NODAL: variants seen among roughly 807,000 people sequenced by gnomAD.
The protein encoded by NODAL is nodal growth differentiation factor, also known as nodal homolog.
A neutral mutation model predicts 34.0 loss-of-function variants in NODAL; 12 were observed. The ratio of observed to expected loss-of-function variants is 0.35; its 90% CI spans 0.23 to 0.57. NODAL has a LOEUF of 0.57. Among genes scored for constraint, NODAL ranks in the 20% least tolerant of loss-of-function variants. NODAL has a pLI of 0.83. For missense variants in NODAL, 390 were observed against 444.2 expected, an observed-to-expected ratio of 0.88 and a Z score of 1.10; for synonymous variants, 162 against 186.4, an observed-to-expected ratio of 0.87 and a Z score of 1.07.
At chr10:70,433,251 G>A (rs1845293675) in intron 2 of NODAL, among the ~76,000 whole-genome samples, 163 bp from the exon 3 acceptor site, 1 of 152,092 alleles carries the variant, frequency 6.6e-6, no homozygotes, top group African/African-American at 2.4e-5. Flanking sequence ...AATATATCAT[G>A]AACTCTAATG....
chr10:70,446,512 A>G (rs995293820), upstream of NODAL, among the ~76,000 whole-genome samples: 5 of 152,180 alleles, frequency 3.3e-5, no homozygotes, highest in Middle Eastern at 3.2e-3. Flanking sequence ...TGTAAAGTGT[A>G]TAGTGCACGT....
intron 1 of NODAL, 112 bp from the exon 2 acceptor site, chr10:70,436,095 A>C: frequency 1.2e-6 from 1 of 867,912 alleles, no homozygotes. Flanking sequence ...ATATAGAATT[A>C]CCTTCGAATT....
chr10:70,444,498 C>T (rs890323161), upstream of NODAL, among the ~76,000 whole-genome samples: 8 of 152,084 alleles, frequency 5.3e-5, no homozygotes, highest in East Asian at 3.9e-4. Flanking sequence ...CATGCCACCA[C>T]GCCTGGCTAA....
At position 70,435,387 on chromosome 10, in the gene NODAL, A is replaced by G; in HGVS notation, c.790T>C (p.Trp264Arg). Reference sequence around the variant, plus strand: ...TTGTACTGCTTGGGGTAGATGATCCAGGAGCCCCATCCGATCAGGTTGAAG... The same window carrying G: ...TTGTACTGCTTGGGGTAGATGATCCGGGAGCCCCATCCGATCAGGTTGAAG... The part of the protein sequence containing the change: ...VDFNLIGWGS[W>R]IIYPKQYNAY... The change falls in exon 2 of 3, where the codon TGG (tryptophan) becomes CGG (arginine). Residue 264 changes from tryptophan (W) to arginine (R), a missense_variant. By Grantham distance (101) the Trp-to-Arg change is moderately radical. Transcript: ENST00000287139. 1.2e-6 allele frequency: 2 copies of G among 1,614,166 alleles called. No individual in the cohort carries two copies. Among genetic ancestry groups the G allele is most frequent in the East Asian group, 4.5e-5 (2 of 44,882 alleles).
chr10:70,436,236 T>C, intron 1 of NODAL: 1 of 534,332 alleles, frequency 1.9e-6, no homozygotes, highest in Non-Finnish European at 3.4e-6. Flanking sequence ...AGAGTAAACC[T>C]GGATTTGCCC....
intron 1 of NODAL, among the ~76,000 whole-genome samples, chr10:70,440,874 A>G (rs962220770): frequency 2.0e-5 from 3 of 151,958 alleles, no homozygotes; most frequent in Non-Finnish European, 4.4e-5. Context: ...CGAATCCCCG[A>G]TGTTACCAGC....
chr10:70,439,883 C>T (rs2199843), intron 1 of NODAL, among the ~76,000 whole-genome samples: 66,777 of 152,082 alleles, frequency 0.44, 15,634 homozygotes, highest in East Asian at 0.66. Context: ...CCAGCCTGGC[C>T]AATATGGTGA....
At chr10:70,436,918 T>C (rs1445834419) in intron 1 of NODAL, among the ~76,000 whole-genome samples, 1 of 152,130 alleles carries the variant, frequency 6.6e-6, no homozygotes, top group Non-Finnish European at 1.5e-5. Flanking sequence ...TTCTCTCTGA[T>C]CAAAGATGCT....
rs1192655990 is a variant in NODAL at position 70,432,927 on chromosome 10, A to G, written c.*9T>C. ...GTGCAGGCAAATCCAGTCTCCCTCC[A>G]GGATGTCATCAGAGGCACCCACATT... On this transcript the variant is annotated 3_prime_UTR_variant, in exon 3 of 3. Coordinates refer to ENST00000287139, the MANE Select transcript of NODAL (RefSeq NM_018055.5). 1 of 1,614,062 alleles carries G rather than the reference A, an allele frequency of 6.2e-7. No individual in the cohort carries two copies. The highest frequency in any genetic ancestry group is 1.1e-5 in the South Asian group (1 of 91,082).
chr10:70,432,526 T>C lies in NODAL; in HGVS notation c.*410A>G. The C allele has an allele frequency of 3.1e-6, 1 of 320,892 alleles. No homozygotes were observed. The highest frequency in any genetic ancestry group is 6.1e-6 in the Non-Finnish European group (1 of 164,134). 19.9% of individuals were successfully genotyped at this position (320,892 alleles called of 1,614,324 possible). A position where few individuals can be genotyped will look rare whatever the true frequency, so the allele number is the denominator to read the frequency against. On this transcript the variant is annotated 3_prime_UTR_variant, in exon 3 of 3. Transcript: ENST00000287139. ...GGGACAGGTCACACACAGACTACTT[T>C]GGAGAATACATGAAAGCTATAGGTG...
chr10:70,437,782 C>T (rs565732186), intron 1 of NODAL, among the ~76,000 whole-genome samples: 21 of 152,172 alleles, frequency 1.4e-4, no homozygotes, highest in Non-Finnish European at 2.5e-4. Context: ...GTAAAGGGGT[C>T]ACTCCCAATC....
Position 70,432,790 on chromosome 10 carries a change from G to A in NODAL, c.*146C>T. ...CCACTGAGCCCTTCATTTACAGAGTGGGCAGCCCCTCCTCTTCAGTTCTGG... is the reference window on the plus strand; with the variant it reads ...CCACTGAGCCCTTCATTTACAGAGTAGGCAGCCCCTCCTCTTCAGTTCTGG... On this transcript the variant is annotated 3_prime_UTR_variant, in exon 3 of 3. Coordinates refer to ENST00000287139, the MANE Select transcript of NODAL (RefSeq NM_018055.5). 1.1e-6 allele frequency: 1 copy of A among 877,274 alleles called. No individual in the cohort carries two copies. The highest frequency in any genetic ancestry group is 1.9e-6 in the Non-Finnish European group (1 of 536,304). 54.3% of individuals were successfully genotyped at this position (877,274 alleles called of 1,614,324 possible).
intron 2 of NODAL, 103 bp downstream of exon 2, chr10:70,435,183 G>A: frequency 9.6e-7 from 1 of 1,037,942 alleles, no homozygotes; most frequent in Non-Finnish European, 1.4e-6. Flanking sequence ...AGGTGCTTGA[G>A]TAACTGTGAA....
chr10:70,443,898 G>C (rs1050204882), upstream of NODAL, among the ~76,000 whole-genome samples: 1 of 150,146 alleles, frequency 6.7e-6, no homozygotes, highest in Non-Finnish European at 1.5e-5. Context: ...CTGAAGATAC[G>C]CATCACCTTG....
At chr10:70,445,067 A>T (rs919081652), upstream of NODAL, among the ~76,000 whole-genome samples, 3 of 152,132 alleles carry the variant, frequency 2.0e-5, no homozygotes, top group Non-Finnish European at 4.4e-5. Flanking sequence ...TGCAGGAGTC[A>T]GACGCAGTGA....
upstream of NODAL, among the ~76,000 whole-genome samples, chr10:70,442,019 A>T (rs534097410): frequency 3.0e-4 from 46 of 152,132 alleles, no homozygotes; most frequent in South Asian, 6.0e-3. Flanking sequence ...CGACTTCCTT[A>T]CTCGACCTCA....
upstream of NODAL, among the ~76,000 whole-genome samples, chr10:70,446,375 C>T (rs533093094): frequency 1.4e-4 from 22 of 152,320 alleles, no homozygotes; most frequent in Non-Finnish European, 2.8e-4. Context: ...AATCTGGATA[C>T]TTCTCTGTCA....
chr10:70,446,278 A>G (rs1462810581), upstream of NODAL, among the ~76,000 whole-genome samples: 1 of 152,120 alleles, frequency 6.6e-6, no homozygotes, highest in Non-Finnish European at 1.5e-5. Context: ...CTTTCCATAG[A>G]GACATTTTGG....
upstream of NODAL, among the ~76,000 whole-genome samples, chr10:70,446,443 A>G (rs1435594775): frequency 6.6e-6 from 1 of 152,150 alleles, no homozygotes; most frequent in Non-Finnish European, 1.5e-5. Flanking sequence ...CTGCTTGCTC[A>G]GCTGTAAAAT....
Sources: allele counts gnomAD v4.1 joint callset (sites outside exome capture counted in the v4.1 genomes callset), GRCh38; gene constraint gnomAD v4.1.1; transcripts MANE v1.5; gene names NCBI Gene and HGNC (gene_info 2026-07-23, HGNC 2026-07-21).